The following RANBP3 variants were observed in gnomAD, a reference collection of about 807,000 sequenced individuals.
The protein encoded by RANBP3 is RAN binding protein 3.
In RANBP3, 14 loss-of-function variants were observed where a neutral mutation model predicts 77.3. That is an observed-to-expected ratio of 0.18 (90% CI 0.12 to 0.28). The LOEUF (loss-of-function observed/expected upper bound fraction) is 0.28, where lower values mean the gene tolerates loss of function less well. Ranked by LOEUF, RANBP3 falls within the 10% of genes least tolerant of loss-of-function variation. RANBP3 has a pLI of 1.00. For missense variants in RANBP3, 586 were observed against 752.3 expected (o/e 0.78, Z 2.59); for synonymous variants, 315 against 312.4 (o/e 1.01, Z -0.09).
At position 5,917,370 on chromosome 19, in the gene RANBP3, A is replaced by T. The variant is rs778438038; in HGVS notation, c.*240T>A. ...GTGCCATTTCAATTCAAAGGAGGGG[A>T]GGGAGGAAATGTTCTTGTTTGTTCG... On this transcript the variant is annotated 3_prime_UTR_variant, in exon 17 of 17. Transcript: ENST00000340578. 68 of 525,704 alleles carry T rather than the reference A, an allele frequency of 1.3e-4. No individual in the cohort carries two copies. The highest frequency in any genetic ancestry group is 2.0e-4 in the Non-Finnish European group (58 of 296,062). 32.6% of individuals were successfully genotyped at this position (525,704 alleles called of 1,614,324 possible).
intron 3 of RANBP3, 26 bp from the exon 4 acceptor site, chr19:5,941,861 G>T (rs756286681): frequency 1.9e-6 from 3 of 1,611,974 alleles, no homozygotes; most frequent in Non-Finnish European, 1.7e-6. Context: ...CACAGCCGGG[G>T]TCAGAGGGCA....
intron 1 of RANBP3, among the ~76,000 whole-genome samples, chr19:5,966,387 C>A (rs2145254609): frequency 6.6e-6 from 1 of 152,342 alleles, no homozygotes. Flanking sequence ...AGACAAGGAT[C>A]AAAGACACAT....
chr19:5,961,177 C>G (rs2058395516), intron 1 of RANBP3, among the ~76,000 whole-genome samples: 1 of 149,158 alleles, frequency 6.7e-6, no homozygotes, highest in Non-Finnish European at 1.5e-5. Flanking sequence ...GGCGCGGTGG[C>G]TCACACCTGT....
At chr19:5,957,609 T>C (rs2058350828) in intron 2 of RANBP3, among the ~76,000 whole-genome samples, 2 of 151,106 alleles carry the variant, frequency 1.3e-5, no homozygotes, top group African/African-American at 4.9e-5. Context: ...CTGTTGGTTT[T>C]CCTAAGGTAC....
rs1192792189 is a variant in RANBP3, at chr19:5,952,034, G to A, written c.79-438C>T. On this transcript the variant is annotated intron_variant, in intron 2 of 16. Transcript: ENST00000340578. The surrounding 1 kb of genome is among the most constrained non-coding windows in gnomAD (Gnocchi z 4.1). ...TGCTTTAGGAAAGAGGGAGGTGGCT[G>A]GAACCCCAAAGTTAGGGAGAAACCA... Among the ~76,000 whole-genome samples the A allele has an allele frequency of 6.6e-6, 1 of 152,176 alleles. No homozygotes were observed. The highest frequency in any genetic ancestry group is 1.5e-5 in the Non-Finnish European group (1 of 68,036).
intron 1 of RANBP3, among the ~76,000 whole-genome samples, chr19:5,977,009 C>T (rs2058600241): frequency 6.6e-6 from 1 of 152,166 alleles, no homozygotes; most frequent in Non-Finnish European, 1.5e-5. Flanking sequence ...TACCTCCTAC[C>T]AGGGAAAACA....
chr19:5,941,748 G>T (rs758901230), intron 4 of RANBP3, 41 bp from the exon 5 acceptor site: 1 of 1,612,160 alleles, frequency 6.2e-7, no homozygotes, highest in Non-Finnish European at 8.5e-7. Flanking sequence ...AAATCAGGTT[G>T]CTTCTGTCTT....
intron 5 of RANBP3, among the ~76,000 whole-genome samples, chr19:5,936,411 T>C (rs274790): frequency 0.073 from 10,465 of 143,924 alleles, 382 homozygotes; most frequent in Non-Finnish European, 0.089. Flanking sequence ...GCTCTGTCCG[T>C]CATCTCCACA....
At chr19:5,956,769 G>C (rs2058339566) in intron 2 of RANBP3, among the ~76,000 whole-genome samples, 1 of 152,202 alleles carries the variant, frequency 6.6e-6, no homozygotes. Flanking sequence ...CAGGACCTAA[G>C]ACCAGCAGCT....
At chr19:5,932,355 G>A in intron 7 of RANBP3, 97 bp downstream of exon 7, 1 of 890,594 alleles carries the variant, frequency 1.1e-6, no homozygotes, top group South Asian at 1.5e-5. Flanking sequence ...GGTGCATTCA[G>A]CAGTCACCTC....
At chr19:5,973,450 T>C (rs2145289779) in intron 1 of RANBP3, among the ~76,000 whole-genome samples, 1 of 152,276 alleles carries the variant, frequency 6.6e-6, no homozygotes, top group African/African-American at 2.4e-5. Flanking sequence ...GCTATTAGCA[T>C]TTAGTGGGGT....
rs1035980462 is a variant in RANBP3 at position 5,944,541 on chromosome 19, C to T, written c.283-2706G>A. Among the ~76,000 whole-genome samples, 5 of 152,372 alleles carry T rather than the reference C, an allele frequency of 3.3e-5. No individual in the cohort carries two copies. In the South Asian group the frequency reaches 6.2e-4, roughly 19 times the overall value. On this transcript the variant is annotated intron_variant, in intron 3 of 16. Coordinates refer to ENST00000340578, the MANE Select transcript of RANBP3 (RefSeq NM_007322.3). ...TGCCTGGGGCAGCTACTGCCCTCGA[C>T]GGGCCCTTACATCAGCCTCCCAGCA...
At chr19:5,970,542 G>A (rs1025909647) in intron 1 of RANBP3, among the ~76,000 whole-genome samples, 1 of 152,114 alleles carries the variant, frequency 6.6e-6, no homozygotes, top group African/African-American at 2.4e-5. Context: ...ACTGGGAGTG[G>A]ATGGGTGGGA....
chr19:5,957,998 T>C (rs372081833), intron 1 of RANBP3, 25 bp from the exon 2 acceptor site: 291 of 1,612,582 alleles, frequency 1.8e-4, no homozygotes, highest in Non-Finnish European at 2.3e-4. Flanking sequence ...ATTAGTTTTT[T>C]TCCCCCCAAC....
intron 9 of RANBP3, 95 bp from the exon 10 acceptor site, chr19:5,925,832 T>G: frequency 2.0e-6 from 2 of 986,682 alleles, no homozygotes; most frequent in East Asian, 2.5e-5. Context: ...TGCATGGAGC[T>G]GCTCGGAGCC....
chr19:5,922,810 C>A (rs898304838), intron 13 of RANBP3, among the ~76,000 whole-genome samples: 1 of 152,134 alleles, frequency 6.6e-6, no homozygotes, highest in Non-Finnish European at 1.5e-5. Context: ...CGTGGTGGTG[C>A]ACACCTGTAA....
At chr19:5,919,110 C>T (rs2057784194) in intron 14 of RANBP3, among the ~76,000 whole-genome samples, 1 of 152,042 alleles carries the variant, frequency 6.6e-6, no homozygotes, top group African/African-American at 2.4e-5. Flanking sequence ...GACTGGCCTC[C>T]CCTGAGTGGG....
intron 3 of RANBP3, among the ~76,000 whole-genome samples, chr19:5,946,191 T>A (rs1162625541): frequency 3.9e-5 from 6 of 152,236 alleles, no homozygotes; most frequent in Non-Finnish European, 8.8e-5. Context: ...GGAGCTACCC[T>A]GTTTTGTTCT....
At chr19:5,923,605 C>A (rs565221193) in intron 12 of RANBP3, among the ~76,000 whole-genome samples, 1 of 152,350 alleles carries the variant, frequency 6.6e-6, no homozygotes, top group South Asian at 2.1e-4. Context: ...CCACCCTCCC[C>A]ACGGCCACAA....
Sources: gnomAD v4.1 joint callset for allele counts (sites outside exome capture counted in the v4.1 genomes callset) on GRCh38, gnomAD v4.1.1 for gene constraint, Gnocchi (gnomAD v3.1) non-coding constraint, MANE v1.5 for transcripts, NCBI Gene and HGNC (gene_info 2026-07-23, HGNC 2026-07-21) for gene names.